The following UNC13C variants were observed in gnomAD, a reference collection of about 807,000 sequenced individuals.
UNC13C encodes the protein protein unc-13 homolog C.
In UNC13C, 174 loss-of-function variants were observed where a neutral mutation model predicts 245.4. The ratio of observed to expected loss-of-function variants is 0.71; its 90% CI spans 0.63 to 0.80. The LOEUF (loss-of-function observed/expected upper bound fraction) is 0.80. UNC13C is among the 30% of genes least tolerant of loss of function. UNC13C has a pLI of 0.00. For synonymous variants in UNC13C, 992 were observed against 895.1 expected (o/e 1.11, Z -1.93); for missense variants, 2,829 against 2,602.9 (o/e 1.09, Z -1.89).
chr15:54,290,507 T>C (rs1351446809), intron 10 of UNC13C, among the ~76,000 whole-genome samples: 1 of 152,124 alleles, frequency 6.6e-6, no homozygotes, highest in Non-Finnish European at 1.5e-5. Flanking sequence ...TCATTTATAG[T>C]TGTCCTTCAT....
chr15:54,004,076 C>T (rs148252982), intron 1 of UNC13C, among the ~76,000 whole-genome samples: 24 of 152,216 alleles, frequency 1.6e-4, no homozygotes, highest in Admixed American at 3.9e-4. Flanking sequence ...CTATAGTCGC[C>T]GTAGTGTGCT....
At chr15:54,587,553 T>C (rs1482775995) in intron 30 of UNC13C, among the ~76,000 whole-genome samples, 11 of 152,206 alleles carry the variant, frequency 7.2e-5, no homozygotes, top group African/African-American at 2.7e-4. Context: ...ACTAAGGAGT[T>C]TGGGACCAGC....
At chr15:53,968,014 T>G in the UNC13C span, 2 of 152,306 alleles carry the variant, frequency 1.3e-5, no homozygotes, top group Non-Finnish European at 1.5e-5. Context: ...GGAATTGATC[T>G]GTACTCTGTG....
At chr15:54,381,356 G>A (rs150127515) in intron 17 of UNC13C, among the ~76,000 whole-genome samples, 94 of 152,154 alleles carry the variant, frequency 6.2e-4, no homozygotes, top group African/African-American at 2.2e-3. Context: ...CTATGGCTTT[G>A]TAGTATATTT....
chr15:54,264,067 G>C, intron 8 of UNC13C, 101 bp from the exon 9 acceptor site: 2 of 1,167,362 alleles, frequency 1.7e-6, no homozygotes, highest in Middle Eastern at 3.9e-4. Flanking sequence ...CAGAATGAAA[G>C]CACTCATTCA....
intron 26 of UNC13C, among the ~76,000 whole-genome samples, chr15:54,538,133 C>CAA (rs56041311): frequency 6.8e-3 from 70 of 10,254 alleles, no homozygotes; most frequent in Non-Finnish European, 0.01. Flanking sequence ...CATTAACAAG[C>CAA]AAAAAAAAAA....
chr15:54,157,392 C>G lies in UNC13C; in HGVS notation c.3071+13708C>G, dbSNP rs546880636. 8.5e-5 allele frequency among the ~76,000 whole-genome samples: 13 copies of G among 152,302 alleles called. No homozygotes were observed. The South Asian group carries it at 2.5e-3, about 29-fold the overall frequency. ...ATTATACTCATAATCACATTATAAT[C>G]GCAAGATCATTTAGTATGTTTTACC... On this transcript the variant is annotated intron_variant, in intron 4 of 32. Transcript: ENST00000260323.
chr15:54,266,589 A>T (rs2036553761), intron 10 of UNC13C, among the ~76,000 whole-genome samples: 2 of 152,074 alleles, frequency 1.3e-5, no homozygotes, highest in South Asian at 4.1e-4. Context: ...GACAAGATGC[A>T]GCTAGAGCTT....
At chr15:54,253,968 C>T (rs1278567941) in intron 8 of UNC13C, among the ~76,000 whole-genome samples, 1 of 152,196 alleles carries the variant, frequency 6.6e-6, no homozygotes, top group African/African-American at 2.4e-5. Context: ...AAATTTCAAG[C>T]ACCTGCATAA....
chr15:54,605,411 CT>C (rs1345031313), intron 30 of UNC13C, among the ~76,000 whole-genome samples: 1 of 152,196 alleles, frequency 6.6e-6, no homozygotes, highest in African/African-American at 2.4e-5. Context: ...ATTTTGTTTA[CT>C]TATCCTTCCA....
chr15:53,924,879 C>T, the UNC13C span, among the ~76,000 whole-genome samples: 9 of 152,078 alleles, frequency 5.9e-5, no homozygotes, highest in African/African-American at 2.2e-4. Flanking sequence ...TTAATGTTTT[C>T]CCTTTAAGAT....
intron 17 of UNC13C, among the ~76,000 whole-genome samples, chr15:54,368,605 C>T (rs2039419580): frequency 6.6e-6 from 1 of 151,852 alleles, no homozygotes; most frequent in South Asian, 2.1e-4. Flanking sequence ...GGAGAATTAA[C>T]TTCACTGTGC....
At position 54,186,836 on chromosome 15, in the gene UNC13C, A is replaced by ATATATATATATATATATATATATATATAT. The variant is rs1567079825; in HGVS notation, c.3071+43152_3071+43153insTATATATATATATATATATATATATATAT. The stretch of plus-strand genomic sequence containing the variant: ...GTCCACTGACACATACAAAGAACAT[A>ATATATATATATATATATATATATATATAT]ATATATATGTATATATATATTTTGT... On this transcript the variant is annotated intron_variant, in intron 4 of 32. Transcript: ENST00000260323. 1.9e-3 allele frequency among the ~76,000 whole-genome samples: 237 copies of ATATATATATATATATATATATATATATAT among 126,030 alleles called. 6 individuals are homozygous for ATATATATATATATATATATATATATATAT. Among genetic ancestry groups the ATATATATATATATATATATATATATATAT allele is most frequent in the Non-Finnish European group, 3.0e-3 (177 of 59,510 alleles). The allele number at this position is 126,030 out of a possible 152,430, so 82.7% of individuals were successfully genotyped here.
At chr15:54,459,927 A>G (rs1043548687) in intron 19 of UNC13C, among the ~76,000 whole-genome samples, 1 of 152,112 alleles carries the variant, frequency 6.6e-6, no homozygotes, top group Admixed American at 6.5e-5. Flanking sequence ...GTTTGGATCC[A>G]CTACTGGAGA....
In UNC13C at chr15:54,586,944, G is replaced by C. The variant is rs116964226; in HGVS notation, c.6106+18997G>C. 5.3e-4 allele frequency among the ~76,000 whole-genome samples: 81 copies of C among 152,244 alleles called. No individual in the cohort carries two copies. In the East Asian group the frequency reaches 0.016, roughly 29 times the overall value. On this transcript the variant is annotated intron_variant, in intron 30 of 32. Transcript: ENST00000260323. Reference sequence around the variant, plus strand: ...ATGATATAACTAAGCTGTACAGACTGTTAGGCCATCAATCAATATTTACCA... The same window carrying C: ...ATGATATAACTAAGCTGTACAGACTCTTAGGCCATCAATCAATATTTACCA...
At chr15:54,249,913 G>A (rs146883427) in intron 7 of UNC13C, among the ~76,000 whole-genome samples, 60 of 152,254 alleles carry the variant, frequency 3.9e-4, no homozygotes, top group African/African-American at 1.3e-3. Context: ...AGCATAGCAG[G>A]GACTTAGACA....
At chr15:54,611,016 G>A (rs986849902) in intron 30 of UNC13C, among the ~76,000 whole-genome samples, 6 of 152,122 alleles carry the variant, frequency 3.9e-5, no homozygotes, top group Non-Finnish European at 7.4e-5. Flanking sequence ...GATGTAATAG[G>A]TTTGATCTGT....
rs913709757 is a variant in UNC13C, at chr15:54,512,683, G to A, written c.5457+853G>A. On this transcript the variant is annotated intron_variant, in intron 24 of 32. Transcript: ENST00000260323. ...AGGGCAGCTATGTCAAGAATATGTA[G>A]ATATATACTTCTGTTTAAGATTCCT... 5.2e-4 allele frequency among the ~76,000 whole-genome samples: 79 copies of A among 152,172 alleles called. 1 individual carries two copies. The highest frequency in any genetic ancestry group is 2.6e-4 in the Admixed American group (4 of 15,258).
In UNC13C at chr15:54,098,847, C is replaced by T. The variant is rs546771876; in HGVS notation, c.2984-44171C>T. ...GATTTCCATCTTCATCAAATGTCAG[C>T]GAATCTCTAAAGGACATTTTCATTC... is the stretch of plus-strand genomic sequence containing the variant. On this transcript the variant is annotated intron_variant, in intron 2 of 32. Transcript: ENST00000260323. 4.3e-4 allele frequency among the ~76,000 whole-genome samples: 65 copies of T among 152,210 alleles called. 2 individuals are homozygous for T. In the South Asian group the frequency reaches 0.012, roughly 27 times the overall value.
Sources: allele counts gnomAD v4.1 joint callset (sites outside exome capture counted in the v4.1 genomes callset), GRCh38; gene constraint gnomAD v4.1.1; transcripts MANE v1.5; gene names NCBI Gene and HGNC (gene_info 2026-07-23, HGNC 2026-07-21).